ZNF675: variants seen among roughly 807,000 people sequenced by gnomAD.
The protein encoded by ZNF675 is zinc finger protein 675.
In ZNF675, 36 loss-of-function variants were observed where a neutral mutation model predicts 56.1. The ratio of observed to expected loss-of-function variants is 0.64; its 90% CI spans 0.49 to 0.85. The LOEUF (loss-of-function observed/expected upper bound fraction) is 0.85, where lower values mean the gene tolerates loss of function less well. ZNF675 is among the 40% of genes least tolerant of loss of function. The pLI is 0.00. For missense variants in ZNF675, 663 were observed against 654.2 expected (o/e 1.01, Z -0.15); for synonymous variants, 200 against 218.9 (o/e 0.91, Z 0.76).
Position 23,663,157 on chromosome 19 carries a change from C to T in ZNF675, c.5G>A (p.Gly2Glu), listed in dbSNP as rs1277065457. Residue 2 changes from glycine (G) to glutamate (E), a missense_variant and splice_region_variant, in exon 2 of 4, where the codon GGA (glycine) becomes GAA (glutamate). Physicochemically the swap from Gly to Glu is moderately conservative, Grantham distance 98 (BLOSUM62 -2). Coordinates refer to ENST00000359788, the MANE Select transcript of ZNF675 (RefSeq NM_138330.3). M[G>E]LLTFRDVAIE... ...GGCCACATCCCTAAATGTCAACAGT[C>T]CCTGAAAAACACATACACACAAACA... is the stretch of plus-strand genomic sequence containing the variant. 6.2e-7 allele frequency: 1 copy of T among 1,605,190 alleles called. No individual in the cohort carries two copies. The highest frequency in any genetic ancestry group is 1.3e-5 in the African/African-American group (1 of 74,568).
At chr19:23,659,050 T>G (rs956320815) in intron 3 of ZNF675, among the ~76,000 whole-genome samples, 1 of 149,932 alleles carries the variant, frequency 6.7e-6, no homozygotes, top group Middle Eastern at 3.2e-3. Context: ...AGAATATGGT[T>G]AGAGCGCCTG....
intron 1 of ZNF675, among the ~76,000 whole-genome samples, chr19:23,679,847 A>G: frequency 6.6e-6 from 1 of 150,852 alleles, no homozygotes. Flanking sequence ...AAACTTAGCC[A>G]GGCGTGGTGG....
chr19:23,686,357 G>A (rs866577866), intron 1 of ZNF675: 1 of 151,754 alleles, frequency 6.6e-6, no homozygotes, highest in African/African-American at 2.4e-5. Context: ...ACGGAGTTTC[G>A]GTCTTGTTAA....
chr19:23,668,713 G>A (rs932577231), intron 1 of ZNF675, among the ~76,000 whole-genome samples: 4 of 152,208 alleles, frequency 2.6e-5, no homozygotes, highest in South Asian at 2.1e-4. Context: ...CGAGCGCAGC[G>A]CCAGTGGGCT....
chr19:23,656,650 ACAC>A (rs981841463), intron 3 of ZNF675: 1 of 152,112 alleles, frequency 6.6e-6, no homozygotes, highest in Admixed American at 6.6e-5. Flanking sequence ...ACACACACAC[ACAC>A]AATGGATTAT....
chr19:23,665,673 ATTTT>A (rs2144932902), intron 1 of ZNF675, among the ~76,000 whole-genome samples: 14 of 152,112 alleles, frequency 9.2e-5, no homozygotes, highest in Admixed American at 7.2e-4. Context: ...TTTTTTGTGT[ATTTT>A]AAGTAGAGGC....
At position 23,654,509 on chromosome 19, in the gene ZNF675, T is replaced by G. The variant is rs1303533945; in HGVS notation, c.424A>C (p.Lys142Gln). 1 of 1,604,842 alleles carries G rather than the reference T, an allele frequency of 6.2e-7. No homozygotes were observed. The highest frequency in any genetic ancestry group is 1.3e-5 in the African/African-American group (1 of 74,426). ...LNQCLPTMQS[K>Q]MFQCDKYVKV... ...ACATATTTATCACATTGAAACATTT[T>G]GCTCTGCATAGTTGGTAAACATTGG... Residue 142 changes from lysine (K) to glutamine (Q), a missense_variant, in exon 4 of 4, where the codon AAA (lysine) becomes CAA (glutamine). Physicochemically the swap from Lys to Gln is moderately conservative, Grantham distance 53. Transcript: ENST00000359788.
At chr19:23,680,771 A>T (rs1333950185) in intron 1 of ZNF675, among the ~76,000 whole-genome samples, 1 of 151,732 alleles carries the variant, frequency 6.6e-6, no homozygotes, top group African/African-American at 2.4e-5. Context: ...ATTTAAAAAA[A>T]TAATAATAAT....
intron 1 of ZNF675, among the ~76,000 whole-genome samples, chr19:23,677,016 G>C (rs1968305624): frequency 6.7e-6 from 1 of 148,950 alleles, no homozygotes; most frequent in South Asian, 2.1e-4. Context: ...GGTGGAGCTT[G>C]CAGTGAGCCG....
rs556260536 is a variant in ZNF675, at chr19:23,653,781, C to T, written c.1152G>A (p.Thr384=). 5.9e-5 allele frequency: 94 copies of T among 1,605,670 alleles called. 1 individual carries two copies. In the East Asian group the frequency reaches 1.7e-3, roughly 29 times the overall value. The part of the protein sequence containing the change: ...GKAFNRSSNL[T]EHRKIHTEEK... ...CTTCGGTATGAATTTTCCTATGTTC[C>T]GTAAGATTTGAGGATCGGTTAAAAG... is the stretch of plus-strand genomic sequence containing the variant. Residue 384 remains threonine, a synonymous_variant, in exon 4 of 4, where the codon ACG becomes ACA. Transcript: ENST00000359788.
At position 23,654,261 on chromosome 19, in the gene ZNF675, AC is replaced by A. The variant is rs1967951982; in HGVS notation, c.671del (p.Cys224LeufsTer53). 2 of 1,613,142 alleles carry A rather than the reference AC, an allele frequency of 1.2e-6. No homozygotes were observed. The highest frequency in any genetic ancestry group is 2.7e-5 in the African/African-American group (2 of 74,818). Reference protein sequence around the residue: ...KLTKHKRIYTCEKLYKCQECD... With the variant: ...KLTKHKRIYTXEKLYKCQECD... Reference sequence around the variant, plus strand: ...ATTCTTGACATTTGTAGAGTTTCTCACAAGTATAAATTCTTTTATGTTTAGT... The same window carrying A: ...ATTCTTGACATTTGTAGAGTTTCTCAAAGTATAAATTCTTTTATGTTTAGT... On this transcript the variant is annotated frameshift_variant, in exon 4 of 4. Coordinates refer to ENST00000359788, the MANE Select transcript of ZNF675 (RefSeq NM_138330.3). LOFTEE classifies it high-confidence loss of function.
Position 23,653,866 on chromosome 19 carries a change from G to T in ZNF675, c.1067C>A (p.Thr356Asn). 6.2e-7 allele frequency: 1 copy of T among 1,613,836 alleles called. No homozygotes were observed. The highest frequency in any genetic ancestry group is 8.5e-7 in the Non-Finnish European group (1 of 1,179,876). The stretch of plus-strand genomic sequence containing the variant: ...TCCAGTATGAATGTTTTTATGTTCA[G>T]TAAGTTTTGAGGATCGGTTAAAAGC... ...GKAFNRSSKL[T>N]EHKNIHTGEQ... is the part of the protein sequence containing the mutation. The change falls in exon 4 of 4, where the codon ACT (threonine) becomes AAT (asparagine). Residue 356 changes from threonine to asparagine, a missense_variant. Thr to Asn is a moderately conservative substitution (Grantham distance 65, BLOSUM62 0). Transcript: ENST00000359788.
intron 3 of ZNF675, chr19:23,661,862 C>T: frequency 2.8e-6 from 1 of 359,958 alleles, no homozygotes; most frequent in Non-Finnish European, 5.1e-6. Context: ...CTCTTGTATG[C>T]CATGAAGCGG....
intron 1 of ZNF675, among the ~76,000 whole-genome samples, chr19:23,668,883 A>G (rs1489390932): frequency 6.6e-5 from 10 of 152,138 alleles, no homozygotes; most frequent in Non-Finnish European, 1.3e-4. Context: ...CACCGCACGC[A>G]GCCCCGGTTC....
chr19:23,659,932 CTA>C (rs1222425738), intron 3 of ZNF675, among the ~76,000 whole-genome samples: 5 of 150,808 alleles, frequency 3.3e-5, no homozygotes, highest in African/African-American at 7.3e-5. Context: ...TCAGTTCTGC[CTA>C]TACAGAAACC....
At chr19:23,654,792 A>C (rs1373150130) in intron 3 of ZNF675, 86 bp from the exon 4 acceptor site, 3 of 1,124,994 alleles carry the variant, frequency 2.7e-6, no homozygotes, top group East Asian at 2.5e-5. Flanking sequence ...CACAAACTAC[A>C]TAAGCAAGAT....
At chr19:23,667,670 A>T (rs892550029) in intron 1 of ZNF675, among the ~76,000 whole-genome samples, 16 of 149,620 alleles carry the variant, frequency 1.1e-4, no homozygotes, top group African/African-American at 3.7e-4. Context: ...CTAGATACAG[A>T]GTGTCAATTG....
chr19:23,670,809 A>C (rs1018413634), intron 1 of ZNF675, among the ~76,000 whole-genome samples: 3 of 152,140 alleles, frequency 2.0e-5, no homozygotes, highest in Non-Finnish European at 4.4e-5. Flanking sequence ...TCTCATGGAG[A>C]GATGTTCAAT....
intron 1 of ZNF675, among the ~76,000 whole-genome samples, chr19:23,679,148 C>T (rs1383767006): frequency 9.4e-6 from 1 of 106,054 alleles, no homozygotes; most frequent in Non-Finnish European, 1.7e-5. Flanking sequence ...GCCTGGGCGA[C>T]AGAGCGAGAC....
Sources: gnomAD v4.1 joint callset for allele counts (sites outside exome capture counted in the v4.1 genomes callset) on GRCh38, gnomAD v4.1.1 for gene constraint, MANE v1.5 for transcripts, NCBI Gene and HGNC (gene_info 2026-07-23, HGNC 2026-07-21) for gene names.